The following ICA1 variants were observed in gnomAD, a reference collection of about 807,000 sequenced individuals.
ICA1 encodes 69 kDa islet cell autoantigen.
A neutral mutation model predicts 71.0 loss-of-function variants in ICA1; 40 were observed. The ratio of observed to expected loss-of-function variants is 0.56; its 90% CI spans 0.44 to 0.73. ICA1 has a LOEUF of 0.73. Ranked by LOEUF, ICA1 falls within the 30% of genes least tolerant of loss-of-function variation. The pLI is 0.00. For synonymous variants in ICA1, 207 were observed against 209.5 expected (o/e 0.99, Z 0.10); for missense variants, 578 against 576.5 (o/e 1.00, Z -0.03).
intron 1 of ICA1, among the ~76,000 whole-genome samples, chr7:8,248,408 C>T (rs1168933709): frequency 6.6e-6 from 1 of 152,054 alleles, no homozygotes; most frequent in Non-Finnish European, 1.5e-5. Flanking sequence ...AAGTAGGGGG[C>T]CATTTTTTCC....
At chr7:8,249,646 C>G (rs1807456124) in intron 1 of ICA1, among the ~76,000 whole-genome samples, 1 of 152,214 alleles carries the variant, frequency 6.6e-6, no homozygotes, top group Non-Finnish European at 1.5e-5. Flanking sequence ...ATTTACGTAA[C>G]TTCTTCCTCA....
intron 8 of ICA1, among the ~76,000 whole-genome samples, chr7:8,145,391 T>C (rs1036867359): frequency 3.3e-5 from 5 of 152,170 alleles, no homozygotes; most frequent in South Asian, 4.1e-4. Context: ...TCTTTGTTCA[T>C]TCTGCTTCTT....
Position 8,251,885 on chromosome 7 carries a change from C to T in ICA1, c.-80+10209G>A, listed in dbSNP as rs73061633. On this transcript the variant is annotated intron_variant, in intron 1 of 13. Transcript: ENST00000402384. ...TCAAACTGCTCACAAAAAGTGTGGT[C>T]TAGGTCTTGCTCCTCTTTCTTTTGC... 4.0e-3 allele frequency among the ~76,000 whole-genome samples: 613 copies of T among 152,288 alleles called. 1 individual carries two copies. Among genetic ancestry groups the T allele is most frequent in the Non-Finnish European group, 6.8e-3 (465 of 68,018 alleles).
chr7:8,195,936 C>T (rs1365362884), intron 6 of ICA1, among the ~76,000 whole-genome samples: 2 of 152,130 alleles, frequency 1.3e-5, no homozygotes, highest in Admixed American at 1.3e-4. Flanking sequence ...TGAGATCGTG[C>T]CACTGCACTC....
chr7:8,151,333 G>A (rs73239572), intron 8 of ICA1, among the ~76,000 whole-genome samples: 7,290 of 152,306 alleles, frequency 0.048, 541 homozygotes, highest in African/African-American at 0.16. Context: ...CATCAGGCGT[G>A]GATGAACAAA....
chr7:8,134,180 A>T (rs1320376818), intron 12 of ICA1, among the ~76,000 whole-genome samples: 1 of 152,202 alleles, frequency 6.6e-6, no homozygotes. Flanking sequence ...TGACAGATCC[A>T]TTCAGCATGT....
At chr7:8,150,513 A>G (rs1468445603) in intron 8 of ICA1, among the ~76,000 whole-genome samples, 18 of 152,246 alleles carry the variant, frequency 1.2e-4, no homozygotes, top group Non-Finnish European at 7.3e-5. Flanking sequence ...GGAGAGGTGA[A>G]CTGACTTGCT....
At chr7:8,216,220 C>A (rs1187673794) in intron 6 of ICA1, among the ~76,000 whole-genome samples, 1 of 152,180 alleles carries the variant, frequency 6.6e-6, no homozygotes, top group Admixed American at 6.5e-5. Flanking sequence ...TGTATGTGCT[C>A]ATTTGGGGTC....
intron 1 of ICA1, among the ~76,000 whole-genome samples, chr7:8,249,384 TG>T (rs778058632): frequency 6.6e-6 from 1 of 152,218 alleles, no homozygotes; most frequent in Non-Finnish European, 1.5e-5. Context: ...CGTAAGCAGT[TG>T]TGCATTATAA....
At chr7:8,145,807 A>C (rs1166559328) in intron 8 of ICA1, among the ~76,000 whole-genome samples, 1 of 147,428 alleles carries the variant, frequency 6.8e-6, no homozygotes, top group Non-Finnish European at 1.5e-5. Flanking sequence ...CCTTTTAACC[A>C]ATATAATTTG....
At chr7:8,250,235 C>T (rs978213616) in intron 1 of ICA1, among the ~76,000 whole-genome samples, 2 of 152,054 alleles carry the variant, frequency 1.3e-5, no homozygotes, top group Non-Finnish European at 2.9e-5. Context: ...TTTACAATTT[C>T]TTATGGAGAG....
intron 1 of ICA1, among the ~76,000 whole-genome samples, chr7:8,241,208 G>A (rs1018469916): frequency 5.6e-4 from 86 of 152,340 alleles, no homozygotes; most frequent in Non-Finnish European, 1.1e-3. Flanking sequence ...CAGACTAATA[G>A]CAGATCTCTC....
At chr7:8,207,973 T>C (rs1157433340) in intron 6 of ICA1, among the ~76,000 whole-genome samples, 1 of 152,194 alleles carries the variant, frequency 6.6e-6, no homozygotes, top group Non-Finnish European at 1.5e-5. Flanking sequence ...GACTCCATTA[T>C]AGGGCCAATA....
intron 5 of ICA1, 91 bp from the exon 6 acceptor site, chr7:8,218,594 A>AAGATT: frequency 1.0e-6 from 1 of 992,440 alleles, no homozygotes; most frequent in Non-Finnish European, 1.6e-6. Context: ...TCGTGAGTCT[A>AAGATT]GAACAGTACC....
intron 13 of ICA1, among the ~76,000 whole-genome samples, chr7:8,122,137 G>C (rs1787211415): frequency 6.6e-6 from 1 of 152,184 alleles, no homozygotes; most frequent in Non-Finnish European, 1.5e-5. Flanking sequence ...AAGGAGAAGG[G>C]AGAGCATGTG....
rs189607457 is a variant in ICA1, at chr7:8,255,263, A to G, written c.-80+6831T>C. Reference sequence around the variant, plus strand: ...CCCATGCTCTCTGGTTCCTTTCTCCACCAGCCCAGAGAACATCTTTCACTA... The same window carrying G: ...CCCATGCTCTCTGGTTCCTTTCTCCGCCAGCCCAGAGAACATCTTTCACTA... On this transcript the variant is annotated intron_variant, in intron 1 of 13. Coordinates refer to ENST00000402384, the MANE Select transcript of ICA1 (RefSeq NM_001136020.3). Among the ~76,000 whole-genome samples, 7 of 151,996 alleles carry G rather than the reference A, an allele frequency of 4.6e-5. 1 individual carries two copies. The highest frequency in any genetic ancestry group is 4.6e-4 in the Admixed American group (7 of 15,266).
chr7:8,121,241 A>G (rs1355959252), intron 13 of ICA1, among the ~76,000 whole-genome samples: 1 of 152,034 alleles, frequency 6.6e-6, no homozygotes, highest in Non-Finnish European at 1.5e-5. Flanking sequence ...ATCTAGTGTC[A>G]TTTGTCAGTT....
chr7:8,117,936 T>C (rs1306645159), intron 13 of ICA1, among the ~76,000 whole-genome samples: 1 of 152,246 alleles, frequency 6.6e-6, no homozygotes, highest in Non-Finnish European at 1.5e-5. Context: ...TACACTTTCA[T>C]CTCATTTCCT....
chr7:8,243,000 G>A (rs1269338038), intron 1 of ICA1, among the ~76,000 whole-genome samples: 1 of 152,150 alleles, frequency 6.6e-6, no homozygotes, highest in Non-Finnish European at 1.5e-5. Context: ...AAGAGGAGCT[G>A]GTACCATTTC....
Sources: allele counts gnomAD v4.1 joint callset (sites outside exome capture counted in the v4.1 genomes callset), GRCh38; gene constraint gnomAD v4.1.1; transcripts MANE v1.5; gene names NCBI Gene and HGNC (gene_info 2026-07-23, HGNC 2026-07-21).